Variants in PDE4D observed in about 807,000 individuals in gnomAD.
PDE4D encodes phosphodiesterase 4D.
A neutral mutation model predicts 87.4 loss-of-function variants in PDE4D; 24 were observed. The ratio of observed to expected loss-of-function variants is 0.27; its 90% confidence interval spans 0.20 to 0.39. The LOEUF is 0.39. Ranked by LOEUF, PDE4D falls within the 10% of genes least tolerant of loss-of-function variation. The probability of loss-of-function intolerance (pLI) is 1.00; values close to 1 mark genes in which losing one functional copy is unlikely to be tolerated. For missense variants in PDE4D, 714 were observed against 1,041.0 expected, an observed-to-expected ratio of 0.69 and a Z score of 4.32; for synonymous variants, 384 against 383.2, an observed-to-expected ratio of 1.00 and a Z score of -0.02.
chr5:59,178,926 A>G (rs1740807739), intron 5 of PDE4D, among the ~76,000 whole-genome samples: 1 of 152,154 alleles, frequency 6.6e-6, no homozygotes, highest in Admixed American at 6.5e-5. Context: ...GGCCTCAGGT[A>G]CAGGTTCATA....
At chr5:59,486,668 G>T (rs914457574) in intron 1 of PDE4D, among the ~76,000 whole-genome samples, 3 of 152,166 alleles carry the variant, frequency 2.0e-5, no homozygotes, top group African/African-American at 7.2e-5. Flanking sequence ...CATACAACAT[G>T]CAAGGAGTGG....
chr5:60,489,508 G>C (rs897027565), upstream of PDE4D, among the ~76,000 whole-genome samples: 1 of 152,138 alleles, frequency 6.6e-6, no homozygotes, highest in Non-Finnish European at 1.5e-5. Flanking sequence ...AAAGAAAAAC[G>C]TTGCAATAGA....
chr5:59,226,571 C>A (rs962652475), intron 1 of PDE4D, among the ~76,000 whole-genome samples: 1 of 152,102 alleles, frequency 6.6e-6, no homozygotes, highest in African/African-American at 2.4e-5. Flanking sequence ...ATATGCTGTA[C>A]AACATTGTGC....
intron 1 of PDE4D, among the ~76,000 whole-genome samples, chr5:60,436,098 T>G (rs897880808): frequency 1.3e-5 from 2 of 152,032 alleles, no homozygotes; most frequent in East Asian, 1.9e-4. Flanking sequence ...TTTCTTTAGG[T>G]AGGCAAATTC....
At chr5:60,018,235 G>C (rs1223728256) in intron 2 of PDE4D, among the ~76,000 whole-genome samples, 1 of 151,794 alleles carries the variant, frequency 6.6e-6, no homozygotes, top group Non-Finnish European at 1.5e-5. Flanking sequence ...TTTCAAAGCA[G>C]CCAAACTAAA....
intron 1 of PDE4D, among the ~76,000 whole-genome samples, chr5:60,453,771 T>C (rs1202114028): frequency 1.3e-5 from 2 of 152,120 alleles, no homozygotes; most frequent in Non-Finnish European, 2.9e-5. Flanking sequence ...CTCTCTGCAG[T>C]AACTTGTCTG....
At chr5:60,161,444 A>G (rs1782467848) in intron 2 of PDE4D, among the ~76,000 whole-genome samples, 1 of 152,132 alleles carries the variant, frequency 6.6e-6, no homozygotes, top group Non-Finnish European at 1.5e-5. Context: ...CTATTTTACC[A>G]CTTACTTTCA....
intron 1 of PDE4D, among the ~76,000 whole-genome samples, chr5:59,602,683 AC>A (rs1420356293): frequency 3.3e-5 from 5 of 152,118 alleles, no homozygotes; most frequent in Admixed American, 2.0e-4. Flanking sequence ...ACAGAAAAAA[AC>A]AATACTAAAT....
intron 1 of PDE4D, among the ~76,000 whole-genome samples, chr5:59,825,847 A>C (rs1770260829): frequency 6.6e-6 from 1 of 152,160 alleles, no homozygotes; most frequent in Non-Finnish European, 1.5e-5. Context: ...GCTGGGAGGA[A>C]ACTGCTCATG....
At chr5:60,228,548 C>T (rs1319499732) in intron 1 of PDE4D, among the ~76,000 whole-genome samples, 1 of 152,024 alleles carries the variant, frequency 6.6e-6, no homozygotes. Context: ...CTTGTATCCT[C>T]CTCTCTCCTT....
chr5:59,039,373 G>A (rs1759198664), intron 5 of PDE4D: 4 of 1,026,186 alleles, frequency 3.9e-6, no homozygotes, highest in Admixed American at 5.9e-5. Context: ...TGCCCGCCCC[G>A]CAGAGGAGCG....
chr5:60,079,353 T>G (rs1773676148), intron 2 of PDE4D, among the ~76,000 whole-genome samples: 1 of 152,224 alleles, frequency 6.6e-6, no homozygotes, highest in African/African-American at 2.4e-5. Flanking sequence ...ACAGCTTCTT[T>G]TGCTGTGCAG....
At chr5:59,286,801 A>T (rs970027178) in intron 1 of PDE4D, among the ~76,000 whole-genome samples, 3 of 152,194 alleles carry the variant, frequency 2.0e-5, no homozygotes, top group Admixed American at 6.5e-5. Flanking sequence ...AATAAAATAC[A>T]ATATGTGATC....
At chr5:60,337,351 CTATATATATATATATA>C (rs748923956) in intron 1 of PDE4D, among the ~76,000 whole-genome samples, 7 of 62,230 alleles carry the variant, frequency 1.1e-4, no homozygotes, top group Admixed American at 4.2e-4. Context: ...AACAAACAAA[CTATATATATATATATA>C]TATATATATA....
At chr5:59,657,687 A>G (rs2150269225) in intron 1 of PDE4D, among the ~76,000 whole-genome samples, 1 of 152,326 alleles carries the variant, frequency 6.6e-6, no homozygotes, top group African/African-American at 2.4e-5. Flanking sequence ...TAATTCTTGC[A>G]GAATATTATT....
At chr5:59,233,406 A>G (rs1174212427) in intron 1 of PDE4D, among the ~76,000 whole-genome samples, 3 of 152,206 alleles carry the variant, frequency 2.0e-5, no homozygotes, top group Non-Finnish European at 4.4e-5. Flanking sequence ...TTCTGGGGAA[A>G]TGGTTCAGAG....
At chr5:60,508,198 G>T (rs114871071) in intron 1 of PDE4D, among the ~76,000 whole-genome samples, 44 of 152,300 alleles carry the variant, frequency 2.9e-4, no homozygotes, top group African/African-American at 1.0e-3. Context: ...GTGAACCTAC[G>T]TTGGGTTCCT....
At chr5:59,212,409 A>G (rs1225068458) in intron 2 of PDE4D, among the ~76,000 whole-genome samples, 1 of 152,124 alleles carries the variant, frequency 6.6e-6, no homozygotes, top group Non-Finnish European at 1.5e-5. Context: ...AGGAGAATGG[A>G]AAGCTAAACA....
chr5:59,030,990 C>G (rs1273780826), intron 6 of PDE4D, among the ~76,000 whole-genome samples: 1 of 152,090 alleles, frequency 6.6e-6, no homozygotes, highest in African/African-American at 2.4e-5. Context: ...TCCTGATGCT[C>G]TCCCTGCACC....
Sources: allele counts gnomAD v4.1 joint callset (sites outside exome capture counted in the v4.1 genomes callset), GRCh38; gene constraint gnomAD v4.1.1; transcripts MANE v1.5; gene names NCBI Gene and HGNC (gene_info 2026-07-23, HGNC 2026-07-21).